Variants in SLC8A1 observed in about 807,000 individuals in gnomAD.
SLC8A1 encodes sodium/calcium exchanger 1.
A neutral mutation model predicts 68.3 loss-of-function variants in SLC8A1; 18 were observed. The observed-to-expected ratio is 0.26, with a 90% CI of 0.18 to 0.39. The LOEUF is 0.39. Among genes scored for constraint, SLC8A1 ranks in the 10% least tolerant of loss-of-function variants. SLC8A1 has a pLI of 1.00. For synonymous variants in SLC8A1, 475 were observed against 415.5 expected (o/e 1.14, Z -1.74); for missense variants, 985 against 1,156.7 (o/e 0.85, Z 2.15).
chr2:40,482,426 A>T (rs2149913869), intron 1 of SLC8A1, among the ~76,000 whole-genome samples: 1 of 152,244 alleles, frequency 6.6e-6, no homozygotes, highest in African/African-American at 2.4e-5. Context: ...TGCCAAGCAT[A>T]TGGCCATGTG....
chr2:40,444,251 A>T (rs1055130028), intron 1 of SLC8A1, among the ~76,000 whole-genome samples: 2 of 152,130 alleles, frequency 1.3e-5, no homozygotes, highest in African/African-American at 4.8e-5. Context: ...AGCCAGGAGG[A>T]TTACTTGGGC....
At chr2:40,381,405 G>A (rs1041540195) in intron 2 of SLC8A1, among the ~76,000 whole-genome samples, 5 of 151,832 alleles carry the variant, frequency 3.3e-5, no homozygotes, top group Non-Finnish European at 5.9e-5. Flanking sequence ...GATTCCTGTG[G>A]GACAAACTTC....
intron 2 of SLC8A1, among the ~76,000 whole-genome samples, chr2:40,236,494 C>G (rs960446105): frequency 6.6e-6 from 1 of 151,924 alleles, no homozygotes; most frequent in African/African-American, 2.4e-5. Flanking sequence ...CTATGTGTGT[C>G]TCTGCACGTG....
intron 2 of SLC8A1, among the ~76,000 whole-genome samples, chr2:40,413,352 C>G (rs190124757): frequency 6.6e-6 from 1 of 152,104 alleles, no homozygotes; most frequent in Non-Finnish European, 1.5e-5. Flanking sequence ...GGAACTAACC[C>G]AAATGTCCAA....
chr2:40,233,394 C>G (rs1271964483), intron 2 of SLC8A1, among the ~76,000 whole-genome samples: 1 of 151,068 alleles, frequency 6.6e-6, no homozygotes, highest in Non-Finnish European at 1.5e-5. Context: ...TAAATGTCTT[C>G]TTTTGAGAAG....
At chr2:40,132,824 A>G (rs944779955) in intron 7 of SLC8A1, among the ~76,000 whole-genome samples, 1 of 152,178 alleles carries the variant, frequency 6.6e-6, no homozygotes, top group Non-Finnish European at 1.5e-5. Flanking sequence ...CCTAAGTAAG[A>G]TAATAGATAA....
intron 1 of SLC8A1, among the ~76,000 whole-genome samples, chr2:40,510,426 T>G (rs1449572871): frequency 6.6e-6 from 1 of 152,212 alleles, no homozygotes; most frequent in Non-Finnish European, 1.5e-5. Context: ...ACACTTGAAA[T>G]GCACTTGGCA....
chr2:40,340,941 A>G (rs1402481838), intron 2 of SLC8A1, among the ~76,000 whole-genome samples: 2 of 152,206 alleles, frequency 1.3e-5, no homozygotes, highest in Non-Finnish European at 2.9e-5. Context: ...ATACATTCCC[A>G]TGAGAGAGTT....
chr2:40,469,981 T>C (rs1576627150), intron 1 of SLC8A1, among the ~76,000 whole-genome samples: 1 of 152,298 alleles, frequency 6.6e-6, no homozygotes, highest in East Asian at 1.9e-4. Flanking sequence ...CTATAATTAC[T>C]TTATCATTAT....
chr2:40,251,174 TAAAA>T (rs546309735), intron 2 of SLC8A1: 13 of 149,432 alleles, frequency 8.7e-5, no homozygotes, highest in African/African-American at 3.2e-4. Context: ...TTTTTTGAAT[TAAAA>T]AAAAAATCAA....
At chr2:40,258,959 A>G (rs1558996571) in intron 2 of SLC8A1, among the ~76,000 whole-genome samples, 1 of 152,110 alleles carries the variant, frequency 6.6e-6, no homozygotes, top group Non-Finnish European at 1.5e-5. Context: ...TACTTTTCTC[A>G]TCCAGTTTCT....
chr2:40,208,022 C>T (rs989388545), intron 2 of SLC8A1, among the ~76,000 whole-genome samples: 3 of 152,102 alleles, frequency 2.0e-5, no homozygotes, highest in African/African-American at 2.4e-5. Context: ...AGCTTCCTCT[C>T]TTCTTGTAAA....
intron 1 of SLC8A1, among the ~76,000 whole-genome samples, chr2:40,439,904 T>C (rs1318228531): frequency 6.6e-6 from 1 of 152,172 alleles, no homozygotes; most frequent in East Asian, 1.9e-4. Flanking sequence ...TTTCTAAAGT[T>C]CCTGACAATA....
At chr2:40,358,441 A>G (rs551017840) in intron 2 of SLC8A1, among the ~76,000 whole-genome samples, 3 of 152,344 alleles carry the variant, frequency 2.0e-5, no homozygotes, top group South Asian at 2.1e-4. Context: ...GGCAGTGAAT[A>G]TATCAGAAAT....
intron 6 of SLC8A1, among the ~76,000 whole-genome samples, chr2:40,158,237 T>C (rs755627558): frequency 7.9e-5 from 12 of 152,222 alleles, no homozygotes; most frequent in Non-Finnish European, 1.5e-4. Flanking sequence ...CAATAAATGC[T>C]GCTTTACAAA....
At chr2:40,170,125 G>A (rs922092461) in intron 4 of SLC8A1, among the ~76,000 whole-genome samples, 156 bp downstream of exon 7, 1 of 152,096 alleles carries the variant, frequency 6.6e-6, no homozygotes, top group Non-Finnish European at 1.5e-5. Flanking sequence ...CTTGTGTTTT[G>A]TTGTAATCCA....
chr2:40,483,278 A>AATAT (rs574973821), intron 1 of SLC8A1, among the ~76,000 whole-genome samples: 12 of 150,290 alleles, frequency 8.0e-5, no homozygotes, highest in African/African-American at 2.7e-4. Context: ...TATGTTAAAA[A>AATAT]ATATATATAT....
chr2:40,480,450 A>C (rs138253169), intron 1 of SLC8A1, among the ~76,000 whole-genome samples: 19 of 152,306 alleles, frequency 1.2e-4, no homozygotes, highest in African/African-American at 3.9e-4. Flanking sequence ...CACCCTCTAC[A>C]AACCAGAAAG....
At position 40,303,883 on chromosome 2, in the gene SLC8A1, T is replaced by C. The variant is rs137888500; in HGVS notation, c.1808+124590A>G. On this transcript the variant is annotated intron_variant, in intron 2 of 7. Transcript: ENST00000406785. ...AGGCCAGTTGCTCTATTAAAGGAGC[T>C]TGTGTTTTCCTCTAACCACCACAGT... Among the ~76,000 whole-genome samples the C allele has an allele frequency of 4.8e-3, 734 of 152,228 alleles. 6 individuals are homozygous for C. Among genetic ancestry groups the C allele is most frequent in the African/African-American group, 0.017 (693 of 41,566 alleles).
Sources: allele counts gnomAD v4.1 joint callset (sites outside exome capture counted in the v4.1 genomes callset), GRCh38; gene constraint gnomAD v4.1.1; transcripts MANE v1.5; gene names NCBI Gene and HGNC (gene_info 2026-07-23, HGNC 2026-07-21).